Variants in IFRD1 observed in about 807,000 individuals in gnomAD.
IFRD1 encodes interferon-related developmental regulator 1.
In IFRD1, 35 loss-of-function variants were observed where a neutral mutation model predicts 52.9. That is an observed-to-expected ratio of 0.66 (90% CI 0.51 to 0.88). The LOEUF (loss-of-function observed/expected upper bound fraction) is 0.88, where lower values mean the gene tolerates loss of function less well. IFRD1 is among the 40% of genes least tolerant of loss of function. IFRD1 has a pLI of 0.00. For missense variants in IFRD1, 517 were observed against 550.8 expected, an observed-to-expected ratio of 0.94 and a Z score of 0.61; for synonymous variants, 184 against 188.4, an observed-to-expected ratio of 0.98 and a Z score of 0.19.
intron 8 of IFRD1, among the ~76,000 whole-genome samples, chr7:112,464,943 GT>G (rs990816510): frequency 6.6e-6 from 1 of 152,070 alleles, no homozygotes; most frequent in Non-Finnish European, 1.5e-5. Flanking sequence ...CATTCTTCTT[GT>G]TTTTTTGCCC....
chr7:112,456,172 C>T, intron 3 of IFRD1, 86 bp downstream of exon 3: 1 of 807,812 alleles, frequency 1.2e-6, no homozygotes, highest in Non-Finnish European at 2.2e-6. Flanking sequence ...CTGTGTGATT[C>T]TAATCAGTTA....
intron 4 of IFRD1, among the ~76,000 whole-genome samples, chr7:112,458,612 C>T (rs1795352305): frequency 6.6e-6 from 1 of 152,148 alleles, no homozygotes; most frequent in Non-Finnish European, 1.5e-5. Context: ...ATGAGGAATT[C>T]TATTTAGAGA....
intron 9 of IFRD1, among the ~76,000 whole-genome samples, 155 bp downstream of exon 9, chr7:112,468,270 C>CTTT (rs201842737): frequency 4.8e-4 from 71 of 148,070 alleles, no homozygotes; most frequent in Non-Finnish European, 7.8e-4. Flanking sequence ...TAAGTGAAGA[C>CTTT]TTTTTTTTTT....
At chr7:112,434,880 T>C (rs1794634775) in intron 1 of IFRD1, among the ~76,000 whole-genome samples, 1 of 152,170 alleles carries the variant, frequency 6.6e-6, no homozygotes, top group South Asian at 2.1e-4. Context: ...ACCTAACACT[T>C]TCCATAGACA....
chr7:112,433,102 G>C (rs1228386019), intron 1 of IFRD1, among the ~76,000 whole-genome samples: 1 of 152,126 alleles, frequency 6.6e-6, no homozygotes, highest in Non-Finnish European at 1.5e-5. Flanking sequence ...CCTCCCAATG[G>C]GTTCTCCTTG....
intron 1 of IFRD1, among the ~76,000 whole-genome samples, chr7:112,428,415 T>C (rs1444292148): frequency 6.6e-6 from 1 of 152,104 alleles, no homozygotes; most frequent in East Asian, 1.9e-4. Context: ...GGAAAAGCTA[T>C]TTGCAATGGA....
intron 8 of IFRD1, among the ~76,000 whole-genome samples, chr7:112,464,512 C>T (rs1013654925): frequency 2.0e-5 from 3 of 152,112 alleles, no homozygotes; most frequent in Admixed American, 6.6e-5. Flanking sequence ...CTCTATGCCT[C>T]GGTGTCCTTA....
intron 1 of IFRD1, among the ~76,000 whole-genome samples, chr7:112,455,302 T>C (rs1795262378): frequency 6.6e-6 from 1 of 151,474 alleles, no homozygotes; most frequent in Non-Finnish European, 1.5e-5. Context: ...ACCAACATGG[T>C]GAAACCCTGT....
upstream of IFRD1, chr7:112,450,179 A>T (rs576603252): frequency 1.7e-4 from 28 of 161,602 alleles, no homozygotes; most frequent in South Asian, 3.6e-3. Flanking sequence ...GGAGAAAAGC[A>T]AGTGGGCAGA....
In IFRD1 at chr7:112,450,573, G is replaced by A; in HGVS notation, c.-116G>A. 1 of 788,018 alleles carries A rather than the reference G, an allele frequency of 1.3e-6. No individual in the cohort carries two copies. 48.8% of individuals were successfully genotyped at this position (788,018 alleles called of 1,614,324 possible). On this transcript the variant is annotated 5_prime_UTR_variant, in exon 1 of 12. Transcript: ENST00000403825. ...ACCCCCGCCGCTTCTCGACTCTGTT[G>A]TTAGCCGAAGACTCGCCTCTCAGCC...
upstream of IFRD1, chr7:112,450,137 G>T: frequency 6.2e-6 from 1 of 160,978 alleles, no homozygotes; most frequent in South Asian, 1.3e-4. Flanking sequence ...GTTCCAAGGC[G>T]GGGGCGCGCC....
chr7:112,473,294 A>G (rs977408436), intron 11 of IFRD1, among the ~76,000 whole-genome samples: 4 of 152,118 alleles, frequency 2.6e-5, no homozygotes, highest in East Asian at 1.9e-4. Flanking sequence ...TGGAGTTTTT[A>G]TGTTTAAGAA....
At chr7:112,473,028 GCGT>G (rs1563273389) in intron 11 of IFRD1, among the ~76,000 whole-genome samples, 167 bp downstream of exon 11, 11 of 111,980 alleles carry the variant, frequency 9.8e-5, no homozygotes, top group South Asian at 9.8e-4. Flanking sequence ...AGTGTGGGGG[GCGT>G]GTGTGTGTGT....
At chr7:112,430,703 T>G (rs1053230377) in intron 1 of IFRD1, among the ~76,000 whole-genome samples, 21 of 152,312 alleles carry the variant, frequency 1.4e-4, no homozygotes, top group Admixed American at 5.2e-4. Flanking sequence ...ATATGTTCAC[T>G]CCTAACTACT....
chr7:112,427,827 T>C (rs900140364), intron 1 of IFRD1, among the ~76,000 whole-genome samples: 2 of 152,060 alleles, frequency 1.3e-5, no homozygotes, highest in Admixed American at 1.3e-4. Flanking sequence ...GTGCTGCGGA[T>C]AAAAAAATGC....
chr7:112,475,219 G>A (rs1191009434), intron 11 of IFRD1, among the ~76,000 whole-genome samples: 3 of 152,076 alleles, frequency 2.0e-5, no homozygotes, highest in Middle Eastern at 3.2e-3. Context: ...CGGCCTCCCA[G>A]AGTGCTGGGA....
rs1430525485 is a variant in IFRD1 at position 112,461,867 on chromosome 7, G to A, written c.569G>A (p.Cys190Tyr). The A allele has an allele frequency of 6.4e-7, 1 of 1,551,084 alleles. No homozygotes were observed. Among genetic ancestry groups the A allele is most frequent in the Non-Finnish European group, 8.9e-7 (1 of 1,128,256 alleles). Residue 190 changes from cysteine (C) to tyrosine (Y), a missense_variant and splice_region_variant, in exon 6 of 12, where the codon TGT becomes TAT. Coordinates refer to ENST00000403825, the MANE Select transcript of IFRD1 (RefSeq NM_001550.4). Reference sequence around the variant, plus strand: ...ATATATATATATTTTTTTTTTTAGTGTGCAACTTGCTTTGGTGTTTGCTGT... The same window carrying A: ...ATATATATATATTTTTTTTTTTAGTATGCAACTTGCTTTGGTGTTTGCTGT... ...GSASMQARQTCATCFGVCCFI... is the reference protein window; with the variant it reads ...GSASMQARQTYATCFGVCCFI...
At chr7:112,438,807 G>C (rs1794781226) in intron 1 of IFRD1, among the ~76,000 whole-genome samples, 1 of 152,056 alleles carries the variant, frequency 6.6e-6, no homozygotes, top group Admixed American at 6.5e-5. Flanking sequence ...ATATAGCAAA[G>C]GTACCATTAC....
At position 112,450,485 on chromosome 7, in the gene IFRD1, A is replaced by G; in HGVS notation, c.-204A>G. ...GCCTTAGCTCCCGCGCTAGAGAGAA[A>G]CATGTATCGTTTTCGATCACAGCTC... is the stretch of plus-strand genomic sequence containing the variant. On this transcript the variant is annotated 5_prime_UTR_variant, in exon 1 of 12. Coordinates refer to ENST00000403825, the MANE Select transcript of IFRD1 (RefSeq NM_001550.4). 2 of 608,696 alleles carry G rather than the reference A, an allele frequency of 3.3e-6. No homozygotes were observed. The highest frequency in any genetic ancestry group is 1.9e-5 in the South Asian group (1 of 53,080). 37.7% of individuals were successfully genotyped at this position (608,696 alleles called of 1,614,324 possible). A position where few individuals can be genotyped will look rare whatever the true frequency, so the allele number is the denominator to read the frequency against.
Sources: gnomAD v4.1 joint callset for allele counts (sites outside exome capture counted in the v4.1 genomes callset) on GRCh38, gnomAD v4.1.1 for gene constraint, MANE v1.5 for transcripts, NCBI Gene and HGNC (gene_info 2026-07-23, HGNC 2026-07-21) for gene names.